Variants in TSPAN18 observed in about 807,000 individuals in gnomAD.
TSPAN18 encodes tetraspanin 18.
Under a neutral mutation model 27.3 loss-of-function variants are expected in TSPAN18, and 14 were observed. The observed-to-expected ratio is 0.51, with a 90% CI of 0.34 to 0.80. The LOEUF is 0.80. Among genes scored for constraint, TSPAN18 ranks in the 30% least tolerant of loss-of-function variants. TSPAN18 has a pLI of 0.01. For synonymous variants in TSPAN18, 143 were observed against 136.5 expected (o/e 1.05, Z -0.33); for missense variants, 268 against 323.9 (o/e 0.83, Z 1.32).
At chr11:44,780,226 G>A (rs1855907392) in intron 2 of TSPAN18, among the ~76,000 whole-genome samples, 1 of 152,184 alleles carries the variant, frequency 6.6e-6, no homozygotes, top group East Asian at 1.9e-4. Flanking sequence ...GCACACACAC[G>A]TTCACAAGCT....
chr11:44,862,029 C>T (rs1238224217), intron 3 of TSPAN18, among the ~76,000 whole-genome samples: 1 of 152,176 alleles, frequency 6.6e-6, no homozygotes, highest in Non-Finnish European at 1.5e-5. Context: ...CACCTCCACT[C>T]CTTCATGGCT....
chr11:44,747,794 C>T (rs1323564899), intron 1 of TSPAN18, among the ~76,000 whole-genome samples: 4 of 152,194 alleles, frequency 2.6e-5, no homozygotes, highest in Non-Finnish European at 5.9e-5. Flanking sequence ...CATCTTTCCA[C>T]ACTCAAAGTG....
intron 5 of TSPAN18, among the ~76,000 whole-genome samples, chr11:44,910,718 A>C (rs923134059): frequency 3.3e-5 from 5 of 152,136 alleles, no homozygotes; most frequent in African/African-American, 1.2e-4. Flanking sequence ...TTGAACTCCT[A>C]TCATGCGCAT....
intron 2 of TSPAN18, among the ~76,000 whole-genome samples, chr11:44,823,934 A>G (rs536662166): frequency 1.3e-5 from 2 of 152,272 alleles, no homozygotes; most frequent in East Asian, 3.9e-4. Flanking sequence ...TCATACCGGA[A>G]AACCAGGATT....
chr11:44,825,642 A>G (rs1368014132), intron 2 of TSPAN18, among the ~76,000 whole-genome samples: 1 of 152,224 alleles, frequency 6.6e-6, no homozygotes, highest in Non-Finnish European at 1.5e-5. Context: ...GTCAGGGGCC[A>G]TGCAGCTATC....
intron 1 of TSPAN18, among the ~76,000 whole-genome samples, chr11:44,755,351 AG>A (rs1855306836): frequency 6.6e-6 from 1 of 152,026 alleles, no homozygotes; most frequent in Non-Finnish European, 1.5e-5. Flanking sequence ...TGAGACCCTG[AG>A]GCACAATTAA....
intron 2 of TSPAN18, among the ~76,000 whole-genome samples, chr11:44,830,973 C>T (rs1590545711): frequency 6.6e-6 from 1 of 152,218 alleles, no homozygotes; most frequent in Non-Finnish European, 1.5e-5. Flanking sequence ...GCCGGCCGGG[C>T]ACAATGGCAG....
At chr11:44,853,009 C>T (rs868757103) in intron 2 of TSPAN18, among the ~76,000 whole-genome samples, 7 of 152,194 alleles carry the variant, frequency 4.6e-5, no homozygotes, top group South Asian at 4.1e-4. Context: ...CTCAAGTGTT[C>T]GTGCTATACT....
intron 2 of TSPAN18, among the ~76,000 whole-genome samples, chr11:44,786,134 G>T (rs372491803): frequency 1.3e-5 from 2 of 152,372 alleles, no homozygotes; most frequent in South Asian, 2.1e-4. Flanking sequence ...GTGGTGTTTG[G>T]CAGTCTGAGA....
At chr11:44,777,677 G>T (rs1200162004) in intron 2 of TSPAN18, among the ~76,000 whole-genome samples, 1 of 152,160 alleles carries the variant, frequency 6.6e-6, no homozygotes, top group Non-Finnish European at 1.5e-5. Flanking sequence ...GGGAGGAAAT[G>T]AATTCATTCT....
At chr11:44,778,752 C>A (rs1281508817) in intron 2 of TSPAN18, among the ~76,000 whole-genome samples, 1 of 152,182 alleles carries the variant, frequency 6.6e-6, no homozygotes, top group Non-Finnish European at 1.5e-5. Context: ...GTGATCCTGG[C>A]AGCTGAGACC....
chr11:44,757,554 T>C (rs1391546880), intron 1 of TSPAN18, among the ~76,000 whole-genome samples: 1 of 152,012 alleles, frequency 6.6e-6, no homozygotes, highest in Non-Finnish European at 1.5e-5. Context: ...CAGCTGACTT[T>C]TTGTATTTTT....
At chr11:44,802,636 C>G (rs1045231088) in intron 2 of TSPAN18, among the ~76,000 whole-genome samples, 1 of 151,176 alleles carries the variant, frequency 6.6e-6, no homozygotes, top group Non-Finnish European at 1.5e-5. Context: ...CACACACACA[C>G]AGCCTCTGGC....
intron 3 of TSPAN18, among the ~76,000 whole-genome samples, chr11:44,885,155 G>A (rs544199253): frequency 2.0e-5 from 3 of 152,116 alleles, no homozygotes; most frequent in South Asian, 4.2e-4. Flanking sequence ...TACCAACACC[G>A]CTCTAGACCA....
intron 2 of TSPAN18, among the ~76,000 whole-genome samples, chr11:44,851,612 A>ACCCCCCCCCCCCCC (rs1278720815): frequency 1.5e-4 from 17 of 110,766 alleles, no homozygotes; most frequent in Non-Finnish European, 2.8e-4. Flanking sequence ...TACTCTTGTC[A>ACCCCCCCCCCCCCC]CCTCCCCCCC....
chr11:44,894,357 C>G (rs74641984), intron 3 of TSPAN18, among the ~76,000 whole-genome samples: 2,261 of 152,312 alleles, frequency 0.015, 58 homozygotes, highest in African/African-American at 0.051. Context: ...GGCCAGGGCA[C>G]GTGCAAGCCC....
chr11:44,753,917 GA>G (rs994876621), intron 1 of TSPAN18, among the ~76,000 whole-genome samples: 5 of 152,302 alleles, frequency 3.3e-5, no homozygotes, highest in African/African-American at 1.2e-4. Context: ...ACTTAGTCTA[GA>G]AAACCAGTCA....
intron 3 of TSPAN18, chr11:44,886,085 TG>T (rs1161649213): frequency 5.3e-5 from 8 of 152,248 alleles, no homozygotes; most frequent in Non-Finnish European, 1.0e-4. Flanking sequence ...ACTGTCTGCC[TG>T]CCTTCGAGGT....
At chr11:44,927,996 A>C (rs1340430460) in intron 9 of TSPAN18, among the ~76,000 whole-genome samples, 1 of 152,180 alleles carries the variant, frequency 6.6e-6, no homozygotes, top group Non-Finnish European at 1.5e-5. Flanking sequence ...GGGAGGCAGA[A>C]TCCTGCTCAA....
Sources: allele counts gnomAD v4.1 joint callset (sites outside exome capture counted in the v4.1 genomes callset), GRCh38; gene constraint gnomAD v4.1.1; transcripts MANE v1.5; gene names NCBI Gene and HGNC (gene_info 2026-07-23, HGNC 2026-07-21).